The following TOGARAM2 variants were observed in gnomAD, a reference collection of about 807,000 sequenced individuals.
The protein encoded by TOGARAM2 is TOG array regulator of axonemal microtubules protein 2.
In TOGARAM2, 85 loss-of-function variants were observed where a neutral mutation model predicts 93.3. That is an observed-to-expected ratio of 0.91 (90% CI 0.76 to 1.09). TOGARAM2 has a LOEUF of 1.09. TOGARAM2 is among the 50% of genes least tolerant of loss of function. The probability of loss-of-function intolerance (pLI) is 0.00; values close to 1 mark genes in which losing one functional copy is unlikely to be tolerated. For synonymous variants in TOGARAM2, 593 were observed against 552.8 expected (o/e 1.07, Z -1.02); for missense variants, 1,277 against 1,334.5 (o/e 0.96, Z 0.67).
At chr2:29,016,768 A>G (rs1023644793) in intron 8 of TOGARAM2, among the ~76,000 whole-genome samples, 7 of 152,082 alleles carry the variant, frequency 4.6e-5, no homozygotes, top group Non-Finnish European at 8.8e-5. Context: ...CCAACCAGCC[A>G]AGCACACCCG....
rs941418047 is a variant in TOGARAM2, at chr2:29,005,011, T to C, written c.830+1329T>C. Reference sequence around the variant, plus strand: ...GTGTGAGTGCATGTGTGTGCATGTGTATGTGTGAGTGCATGTATGTGAGTG... The same window carrying C: ...GTGTGAGTGCATGTGTGTGCATGTGCATGTGTGAGTGCATGTATGTGAGTG... On this transcript the variant is annotated intron_variant, in intron 6 of 19. Coordinates refer to ENST00000379558, the MANE Select transcript of TOGARAM2 (RefSeq NM_199280.4). Among the ~76,000 whole-genome samples the C allele has an allele frequency of 4.8e-3, 56 of 11,548 alleles. 12 individuals carry two copies. The highest frequency in any genetic ancestry group is 7.6e-3 in the African/African-American group (56 of 7,412). The allele number at this position is 11,548 out of a possible 152,430, so 7.6% of individuals were successfully genotyped here.
At chr2:29,020,827 C>T (rs1223972797) in intron 10 of TOGARAM2, among the ~76,000 whole-genome samples, 2 of 152,162 alleles carry the variant, frequency 1.3e-5, no homozygotes, top group African/African-American at 2.4e-5. Context: ...ACTGAAATAA[C>T]TGATTAAGAG....
intron 10 of TOGARAM2, 147 bp from the exon 11 acceptor site, chr2:29,022,011 C>T (rs972786100): frequency 7.8e-6 from 8 of 1,031,390 alleles, no homozygotes; most frequent in African/African-American, 1.6e-5. Context: ...CTTAGCCTCA[C>T]CAGGCACTTC....
In TOGARAM2 at chr2:29,035,475, A is replaced by G; in HGVS notation, c.2237A>G (p.Asn746Ser). The change falls in exon 17 of 20, where the codon AAT becomes AGT. Residue 746 changes from asparagine (N) to serine (S), a missense_variant. By Grantham distance (46) the Asn-to-Ser change is conservative. Coordinates refer to ENST00000379558, the MANE Select transcript of TOGARAM2 (RefSeq NM_199280.4). ...GLPIKEGLSC[N>S]GPRLVGLRST... ...CGCTCCTTACCTAGGCTCAGCTGCA[A>G]TGGCCCAAGGCTGGTGGGGCTGCGC... 7 of 1,418,780 alleles carry G rather than the reference A, an allele frequency of 4.9e-6. No homozygotes were observed. The highest frequency in any genetic ancestry group is 5.6e-6 in the Non-Finnish European group (6 of 1,075,988). 87.9% of individuals were successfully genotyped at this position (1,418,780 alleles called of 1,614,324 possible).
intron 1 of TOGARAM2, among the ~76,000 whole-genome samples, chr2:28,962,472 C>G (rs752734426): frequency 1.3e-5 from 2 of 152,106 alleles, no homozygotes; most frequent in Non-Finnish European, 2.9e-5. Flanking sequence ...CCGTGCCCAG[C>G]CTACATATTT....
At chr2:29,036,944 A>G (rs1031566588) in intron 18 of TOGARAM2, among the ~76,000 whole-genome samples, 187 bp downstream of exon 18, 1 of 152,066 alleles carries the variant, frequency 6.6e-6, no homozygotes, top group African/African-American at 2.4e-5. Flanking sequence ...TGTCACAGCC[A>G]CCCACACCTC....
Position 29,033,660 on chromosome 2 carries a change from T to G in TOGARAM2, c.2225+97T>G, listed in dbSNP as rs1665914454. 9 of 1,122,688 alleles carry G rather than the reference T, an allele frequency of 8.0e-6. No homozygotes were observed. In the Admixed American group the frequency reaches 1.7e-4, roughly 22 times the overall value. The allele number at this position is 1,122,688 out of a possible 1,614,324, so 69.5% of individuals were successfully genotyped here. On this transcript the variant is annotated intron_variant, in intron 16 of 19. Coordinates refer to ENST00000379558, the MANE Select transcript of TOGARAM2 (RefSeq NM_199280.4). Reference sequence around the variant, plus strand: ...CAGGGGTGGCTCTGGGGTGGACATATGGATCTGGGGTATCGCTGAGACCTA... The same window carrying G: ...CAGGGGTGGCTCTGGGGTGGACATAGGGATCTGGGGTATCGCTGAGACCTA...
intron 15 of TOGARAM2, 40 bp downstream of exon 15, chr2:29,033,091 G>A (rs752237412): frequency 2.6e-6 from 4 of 1,555,350 alleles, no homozygotes; most frequent in Admixed American, 3.5e-5. Flanking sequence ...CCTTTTGGGG[G>A]TGGGGGTGAC....
chr2:28,957,563 A>T (rs181120809), intron 1 of TOGARAM2, among the ~76,000 whole-genome samples: 41 of 152,326 alleles, frequency 2.7e-4, no homozygotes, highest in African/African-American at 9.4e-4. Flanking sequence ...ATGATTTTTT[A>T]AAATTGGGAA....
In TOGARAM2 at chr2:29,033,064, G is replaced by A; in HGVS notation, c.2130+13G>A. 1 of 1,605,894 alleles carries A rather than the reference G, an allele frequency of 6.2e-7. No homozygotes were observed. The highest frequency in any genetic ancestry group is 1.1e-5 in the South Asian group (1 of 89,942). ...CATTAAACAGCAGGTGAGCTGTGGG[G>A]CATAAGTGGGTCATGGCCTTTTGGG... On this transcript the variant is annotated intron_variant, in intron 15 of 19. Coordinates refer to ENST00000379558, the MANE Select transcript of TOGARAM2 (RefSeq NM_199280.4).
chr2:29,027,713 G>C (rs1174067178), intron 14 of TOGARAM2, among the ~76,000 whole-genome samples: 3 of 152,160 alleles, frequency 2.0e-5, no homozygotes, highest in Non-Finnish European at 4.4e-5. Context: ...CAATGGAGTT[G>C]GTGGGGGGGC....
At chr2:28,960,895 T>C (rs1671797522) in intron 1 of TOGARAM2, among the ~76,000 whole-genome samples, 1 of 152,248 alleles carries the variant, frequency 6.6e-6, no homozygotes, top group Admixed American at 6.5e-5. Flanking sequence ...AGCTAGTGGC[T>C]ATGGTCTGAA....
In TOGARAM2 at chr2:29,017,932, C is replaced by T. The variant is rs1244948786; in HGVS notation, c.1336C>T (p.Pro446Ser). ...LPSIPISRQE[P>S]RFARHASANS... Reference sequence around the variant, plus strand: ...CAGCATCCCCATCAGCCGGCAGGAGCCCCGCTTTGCCCGCCACGCCTCAGG... The same window carrying T: ...CAGCATCCCCATCAGCCGGCAGGAGTCCCGCTTTGCCCGCCACGCCTCAGG... The change falls in exon 10 of 20, where the codon CCC (proline) becomes TCC (serine). Residue 446 changes from proline (P) to serine (S), a missense_variant. Coordinates refer to ENST00000379558, the MANE Select transcript of TOGARAM2 (RefSeq NM_199280.4). 2 of 1,606,174 alleles carry T rather than the reference C, an allele frequency of 1.2e-6. No individual in the cohort carries two copies. Among genetic ancestry groups the T allele is most frequent in the African/African-American group, 1.3e-5 (1 of 74,916 alleles).
chr2:29,006,901 C>T (rs996485547), intron 6 of TOGARAM2, among the ~76,000 whole-genome samples: 2 of 152,184 alleles, frequency 1.3e-5, no homozygotes, highest in African/African-American at 2.4e-5. Context: ...TCACTGGCCC[C>T]AGACCTGTGG....
At chr2:28,992,940 A>G (rs1169049984) in intron 1 of TOGARAM2, among the ~76,000 whole-genome samples, 1 of 152,132 alleles carries the variant, frequency 6.6e-6, no homozygotes, top group Non-Finnish European at 1.5e-5. Flanking sequence ...TATGCCTGTA[A>G]TCCCAGCTAC....
chr2:29,033,088 G>A (rs540889714), intron 15 of TOGARAM2, 37 bp downstream of exon 15: 1 of 1,558,408 alleles, frequency 6.4e-7, no homozygotes. Context: ...TGGCCTTTTG[G>A]GGGTGGGGGT....
intron 14 of TOGARAM2, among the ~76,000 whole-genome samples, chr2:29,029,610 G>A (rs1366532767): frequency 6.7e-6 from 1 of 150,134 alleles, no homozygotes; most frequent in East Asian, 1.9e-4. Flanking sequence ...CAAAAAATTA[G>A]CCAGGTGTGG....
chr2:29,004,973 C>T (rs1673577215), intron 6 of TOGARAM2, among the ~76,000 whole-genome samples: 2 of 102,836 alleles, frequency 1.9e-5, no homozygotes, highest in African/African-American at 4.4e-5. Flanking sequence ...TGTGTGAGTG[C>T]ATGTGTGTAT....
At position 29,029,673 on chromosome 2, in the gene TOGARAM2, G is replaced by A. The variant is rs1015169453; in HGVS notation, c.2012+2662G>A. Among the ~76,000 whole-genome samples, 6 of 148,508 alleles carry A rather than the reference G, an allele frequency of 4.0e-5. No homozygotes were observed. The South Asian group carries it at 8.9e-4, about 22-fold the overall frequency. On this transcript the variant is annotated intron_variant, in intron 14 of 19. Transcript: ENST00000379558. ...CAGGAGGCTGAGGCAGGAGAATGGCGTGAACCCGGGAGGCGGAGCTTGCAG... is the reference window on the plus strand; with the variant it reads ...CAGGAGGCTGAGGCAGGAGAATGGCATGAACCCGGGAGGCGGAGCTTGCAG...
Sources: allele counts gnomAD v4.1 joint callset (sites outside exome capture counted in the v4.1 genomes callset), GRCh38; gene constraint gnomAD v4.1.1; transcripts MANE v1.5; gene names NCBI Gene and HGNC (gene_info 2026-07-23, HGNC 2026-07-21).